DCLRE1C: variants seen among roughly 807,000 people sequenced by gnomAD.
The protein encoded by DCLRE1C is DNA cross-link repair 1C, also known as protein artemis.
DCLRE1C carries 47 observed loss-of-function variants against 61.4 expected under a neutral mutation model. The ratio of observed to expected loss-of-function variants is 0.77; its 90% confidence interval spans 0.61 to 0.98. DCLRE1C has a LOEUF of 0.98. Ranked by LOEUF, DCLRE1C falls within the 50% of genes least tolerant of loss-of-function variation. DCLRE1C has a pLI of 0.00. For missense variants in DCLRE1C, 858 were observed against 816.0 expected (o/e 1.05, Z -0.63); for synonymous variants, 337 against 287.6 (o/e 1.17, Z -1.74).
intron 13 of DCLRE1C, chr10:14,899,414 C>A: frequency 9.7e-7 from 1 of 1,029,242 alleles, no homozygotes; most frequent in Non-Finnish European, 1.4e-6. Context: ...TGAATGTTTG[C>A]TTTGATGACA....
intron 5 of DCLRE1C, among the ~76,000 whole-genome samples, 199 bp from the exon 6 acceptor site, chr10:14,935,763 G>C (rs1227244374): frequency 1.3e-5 from 2 of 152,200 alleles, no homozygotes; most frequent in African/African-American, 4.8e-5. Flanking sequence ...ACAGAATGGA[G>C]ATGCTACCCA....
chr10:14,917,215 C>T (rs1836342352), intron 13 of DCLRE1C, among the ~76,000 whole-genome samples: 1 of 152,090 alleles, frequency 6.6e-6, no homozygotes, highest in Non-Finnish European at 1.5e-5. Context: ...CACAAAATTA[C>T]CTGGGATCTA....
At chr10:14,919,022 G>A (rs997020594) in intron 13 of DCLRE1C, among the ~76,000 whole-genome samples, 1 of 151,890 alleles carries the variant, frequency 6.6e-6, no homozygotes, top group African/African-American at 2.4e-5. Flanking sequence ...ATATGTAAGG[G>A]ACCTAGCACA....
chr10:14,953,792 C>G (rs1056103262), intron 1 of DCLRE1C, 110 bp downstream of exon 1: 9 of 1,510,780 alleles, frequency 6.0e-6, no homozygotes, highest in Non-Finnish European at 8.1e-6. Flanking sequence ...CTGGCCGCCC[C>G]CTCGCTGGCT....
chr10:14,936,753 T>C (rs950282791), intron 4 of DCLRE1C, among the ~76,000 whole-genome samples, 160 bp from the exon 5 acceptor site: 10 of 152,190 alleles, frequency 6.6e-5, no homozygotes, highest in Non-Finnish European at 1.5e-4. Context: ...AGTGGAATCC[T>C]TGTCCACTCA....
rs1304024203 is a variant in DCLRE1C, at chr10:14,907,059, CTG to C, written c.*1347_*1348del. On this transcript the variant is annotated 3_prime_UTR_variant, in exon 14 of 14. Coordinates refer to ENST00000378278, the MANE Select transcript of DCLRE1C (RefSeq NM_001033855.3). ...AACATTTTGTGGAGACAGGGTCTCC[CTG>C]TGTGTTGCCCAGGCTGGACTCAAAA... Among the ~76,000 whole-genome samples, 1 of 151,568 alleles carries C rather than the reference CTG, an allele frequency of 6.6e-6. No individual in the cohort carries two copies. Among genetic ancestry groups the C allele is most frequent in the African/African-American group, 2.4e-5 (1 of 41,214 alleles).
At chr10:14,942,823 A>G (rs1048371425) in intron 3 of DCLRE1C, among the ~76,000 whole-genome samples, 3 of 152,076 alleles carry the variant, frequency 2.0e-5, no homozygotes, top group African/African-American at 4.8e-5. Flanking sequence ...ACTGGCTGCA[A>G]GCAGCTTAAG....
intron 4 of DCLRE1C, among the ~76,000 whole-genome samples, chr10:14,938,434 G>C (rs1365687825): frequency 6.6e-6 from 1 of 151,946 alleles, no homozygotes; most frequent in Non-Finnish European, 1.5e-5. Flanking sequence ...AACTTCAACT[G>C]TCTGATCTTC....
chr10:14,924,861 A>G (rs1216635491), intron 11 of DCLRE1C, among the ~76,000 whole-genome samples: 1 of 151,986 alleles, frequency 6.6e-6, no homozygotes, highest in Non-Finnish European at 1.5e-5. Flanking sequence ...AAATAAATAA[A>G]TAAAAATTAA....
At position 14,930,277 on chromosome 10, in the gene DCLRE1C, CCT is replaced by C. The variant is rs1491300654; in HGVS notation, c.781-2127_781-2126del. Among the ~76,000 whole-genome samples the C allele has an allele frequency of 6.1e-3, 780 of 127,418 alleles. 9 individuals are homozygous for C. The highest frequency in any genetic ancestry group is 0.023 in the African/African-American group (724 of 31,150). 83.6% of individuals were successfully genotyped at this position (127,418 alleles called of 152,430 possible). A position where few individuals can be genotyped will look rare whatever the true frequency, so the allele number is the denominator to read the frequency against. On this transcript the variant is annotated intron_variant, in intron 9 of 13. Coordinates refer to ENST00000378278, the MANE Select transcript of DCLRE1C (RefSeq NM_001033855.3). ...CAGGCATGCACCACCACACTCAGCA[CCT>C]TTTTTTTTTTTTTTTTTTTTTTTTT...
chr10:14,928,272 A>T (rs1269572769), intron 9 of DCLRE1C, 120 bp from the exon 10 acceptor site: 33 of 885,492 alleles, frequency 3.7e-5, no homozygotes, highest in Admixed American at 5.4e-5. Flanking sequence ...AAATAAAAAA[A>T]AAGCAGCAAA....
At chr10:14,938,323 T>C (rs1840314004) in intron 4 of DCLRE1C, among the ~76,000 whole-genome samples, 1 of 151,632 alleles carries the variant, frequency 6.6e-6, no homozygotes, top group African/African-American at 2.4e-5. Context: ...GAGTCCAGGA[T>C]GGCATTTACA....
chr10:14,903,224 GGCTA>G (rs1418795822), downstream of DCLRE1C: 2 of 152,076 alleles, frequency 1.3e-5, no homozygotes, highest in Non-Finnish European at 2.9e-5. Context: ...AGTCCAAAAT[GGCTA>G]GCCATTATGC....
intron 10 of DCLRE1C, 59 bp from the exon 11 acceptor site, chr10:14,926,956 A>C: frequency 6.3e-6 from 9 of 1,435,098 alleles, no homozygotes; most frequent in Non-Finnish European, 8.8e-6. Flanking sequence ...AAACTAAGCA[A>C]AGCTGGCCCT....
intron 1 of DCLRE1C, among the ~76,000 whole-genome samples, chr10:14,951,105 G>A (rs1842391045): frequency 6.6e-6 from 1 of 152,144 alleles, no homozygotes; most frequent in Non-Finnish European, 1.5e-5. Flanking sequence ...GGGGCTGGGT[G>A]TGGTAGCTCA....
chr10:14,912,439 G>A (rs1835415803), intron 13 of DCLRE1C, among the ~76,000 whole-genome samples: 1 of 151,948 alleles, frequency 6.6e-6, no homozygotes, highest in African/African-American at 2.4e-5. Flanking sequence ...CCCCCCACAA[G>A]AAATAAAACC....
At position 14,904,912 on chromosome 10, in the gene DCLRE1C, G is replaced by A. The variant is rs2131738314; in HGVS notation, c.*3496C>T. Among the ~76,000 whole-genome samples, 1 of 152,284 alleles carries A rather than the reference G, an allele frequency of 6.6e-6. No individual in the cohort carries two copies. Among genetic ancestry groups the A allele is most frequent in the Admixed American group, 6.5e-5 (1 of 15,300 alleles). ...ATCATTTTCAGGATCTACATTAAGA[G>A]GATGGTGATACATAATTAGTAATCT... On this transcript the variant is annotated 3_prime_UTR_variant, in exon 14 of 14. Transcript: ENST00000378278.
At chr10:14,945,250 A>G (rs1841499467) in intron 2 of DCLRE1C, 61 bp from the exon 3 acceptor site, 8 of 1,521,460 alleles carry the variant, frequency 5.3e-6, no homozygotes, top group South Asian at 1.2e-5. Context: ...TTGGTGACTA[A>G]GAAATCTATT....
At chr10:14,945,487 G>C (rs532550748) in intron 2 of DCLRE1C, 31 of 1,160,766 alleles carry the variant, frequency 2.7e-5, no homozygotes, top group Non-Finnish European at 3.3e-5. Flanking sequence ...GTGGAAACAC[G>C]GTGTCCCTGG....
Sources: gnomAD v4.1 joint callset for allele counts (sites outside exome capture counted in the v4.1 genomes callset) on GRCh38, gnomAD v4.1.1 for gene constraint, MANE v1.5 for transcripts, NCBI Gene and HGNC (gene_info 2026-07-23, HGNC 2026-07-21) for gene names.